Variants in PPP2R3A observed in about 807,000 individuals in gnomAD.
PPP2R3A encodes the protein protein phosphatase 2 regulatory subunit B''alpha, also known as serine/threonine-protein phosphatase 2A regulatory subunit B'' subunit alpha.
In PPP2R3A, 80 loss-of-function variants were observed where a neutral mutation model predicts 106.9. The observed-to-expected ratio is 0.75, with a 90% CI of 0.62 to 0.90. PPP2R3A has a LOEUF of 0.90. PPP2R3A is among the 40% of genes least tolerant of loss of function. The pLI is 0.00. For missense variants in PPP2R3A, 1,386 were observed against 1,350.4 expected (o/e 1.03, Z -0.41); for synonymous variants, 483 against 468.3 (o/e 1.03, Z -0.41).
At chr3:136,082,542 C>A in intron 8 of PPP2R3A, 121 bp downstream of exon 8, 2 of 1,093,236 alleles carry the variant, frequency 1.8e-6, no homozygotes, top group Non-Finnish European at 2.6e-6. Context: ...TCTTTACAGG[C>A]CAATAATTTT....
intron 8 of PPP2R3A, among the ~76,000 whole-genome samples, chr3:136,087,289 C>G (rs1936971762): frequency 6.7e-6 from 1 of 150,040 alleles, no homozygotes; most frequent in Non-Finnish European, 1.5e-5. Flanking sequence ...CTCTCTCTCT[C>G]TCTCTCTCTC....
intron 5 of PPP2R3A, among the ~76,000 whole-genome samples, chr3:136,064,790 C>T (rs1225946917): frequency 6.6e-6 from 1 of 152,026 alleles, no homozygotes; most frequent in African/African-American, 2.4e-5. Flanking sequence ...CATTCCAAGA[C>T]CCTGATGCTG....
rs181970506 is a variant in PPP2R3A at position 135,992,949 on chromosome 3, T to C, written c.-440-8110T>C. Reference sequence around the variant, plus strand: ...GGGCAGGTGGAGAACCAGCCAAATATGTCCCAGGAGTCAAGTGAGGGAAGT... The same window carrying C: ...GGGCAGGTGGAGAACCAGCCAAATACGTCCCAGGAGTCAAGTGAGGGAAGT... On this transcript the variant is annotated intron_variant, in intron 1 of 13. Coordinates refer to ENST00000264977, the MANE Select transcript of PPP2R3A (RefSeq NM_002718.5). Among the ~76,000 whole-genome samples the C allele has an allele frequency of 6.9e-3, 1,047 of 152,236 alleles. 15 individuals are homozygous for C. Among genetic ancestry groups the C allele is most frequent in the African/African-American group, 0.023 (958 of 41,550 alleles).
intron 2 of PPP2R3A, 28 bp from the exon 3 acceptor site, chr3:136,026,804 G>A: frequency 6.4e-7 from 1 of 1,554,470 alleles, no homozygotes; most frequent in South Asian, 1.2e-5. Context: ...TAAATTTTTT[G>A]TGTCTCATAA....
At chr3:136,078,151 G>T (rs1472857416) in intron 6 of PPP2R3A, among the ~76,000 whole-genome samples, 1 of 152,142 alleles carries the variant, frequency 6.6e-6, no homozygotes, top group Non-Finnish European at 1.5e-5. Context: ...TGTGAGCAGA[G>T]AATTTTTTTT....
At chr3:135,996,396 A>T (rs955764565) in intron 1 of PPP2R3A, among the ~76,000 whole-genome samples, 11 of 152,326 alleles carry the variant, frequency 7.2e-5, no homozygotes, top group African/African-American at 2.6e-4. Flanking sequence ...TAGCAGAGGC[A>T]CTTTTATTTC....
Position 136,049,359 on chromosome 3 carries a change from C to G in PPP2R3A, c.2467C>G (p.Gln823Glu). Residue 823 changes from glutamine (Q) to glutamate (E), a missense_variant and splice_region_variant, in exon 5 of 14, where the codon CAG (glutamine) becomes GAG (glutamate). Physicochemically the swap from Gln to Glu is conservative, Grantham distance 29. Transcript: ENST00000264977. ...LEQEDFIPLLQDVVDTHPGLT... is the reference protein window; with the variant it reads ...LEQEDFIPLLEDVVDTHPGLT... Reference sequence around the variant, plus strand: ...ACAGGAGGATTTCATCCCTCTACTTCAGGTAATTTTCATCTCCTTTTGAAA... The same window carrying G: ...ACAGGAGGATTTCATCCCTCTACTTGAGGTAATTTTCATCTCCTTTTGAAA... The G allele has an allele frequency of 6.3e-7, 1 of 1,598,312 alleles. No individual in the cohort carries two copies.
intron 7 of PPP2R3A, chr3:136,079,186 GGA>G: frequency 2.2e-6 from 1 of 454,452 alleles, no homozygotes; most frequent in Non-Finnish European, 4.4e-6. Flanking sequence ...AGTCCATGAT[GGA>G]TATACAAACA....
At chr3:135,981,797 G>A (rs1937542236) in intron 1 of PPP2R3A, among the ~76,000 whole-genome samples, 1 of 151,808 alleles carries the variant, frequency 6.6e-6, no homozygotes, top group Admixed American at 6.5e-5. Context: ...TCGAGGGAGA[G>A]GAAGAGGCCA....
chr3:135,972,266 G>A (rs1937271156), intron 1 of PPP2R3A, among the ~76,000 whole-genome samples: 1 of 152,270 alleles, frequency 6.6e-6, no homozygotes, highest in African/African-American at 2.4e-5. Flanking sequence ...TCAGCACAAT[G>A]TATACGAGGT....
At chr3:136,046,022 A>G (rs1935459998) in intron 4 of PPP2R3A, among the ~76,000 whole-genome samples, 1 of 151,790 alleles carries the variant, frequency 6.6e-6, no homozygotes. Flanking sequence ...TGTCTCTACA[A>G]AAAAATTAGC....
intron 3 of PPP2R3A, among the ~76,000 whole-genome samples, chr3:136,029,741 T>C (rs939558995): frequency 6.6e-6 from 1 of 152,226 alleles, no homozygotes; most frequent in Non-Finnish European, 1.5e-5. Context: ...CAATAGCCAT[T>C]ATACATATAT....
chr3:136,140,075 C>G lies in PPP2R3A; in HGVS notation c.3330-4968C>G, dbSNP rs575897134. 1.0e-3 allele frequency among the ~76,000 whole-genome samples: 158 copies of G among 151,810 alleles called. 1 individual carries two copies. The highest frequency in any genetic ancestry group is 2.9e-3 in the African/African-American group (119 of 41,364). On this transcript the variant is annotated intron_variant, in intron 13 of 13. Transcript: ENST00000264977. ...GATTTCTAGTAAATTGTTTGTGAACCCTGTGAGTTCTGCTTTAATCCTCTG... is the reference window on the plus strand; with the variant it reads ...GATTTCTAGTAAATTGTTTGTGAACGCTGTGAGTTCTGCTTTAATCCTCTG...
chr3:136,068,343 A>G (rs1249070988), intron 5 of PPP2R3A, among the ~76,000 whole-genome samples: 1 of 151,518 alleles, frequency 6.6e-6, no homozygotes, highest in African/African-American at 2.4e-5. Context: ...AATACCCATG[A>G]GTCTGCGCTG....
chr3:136,134,295 C>T (rs957936223), intron 13 of PPP2R3A, among the ~76,000 whole-genome samples: 1 of 152,166 alleles, frequency 6.6e-6, no homozygotes, highest in Non-Finnish European at 1.5e-5. Context: ...AGTAATTTGA[C>T]AATATGTAGC....
At chr3:136,012,398 T>C (rs6809006) in intron 2 of PPP2R3A, among the ~76,000 whole-genome samples, 38,349 of 152,118 alleles carry the variant, frequency 0.25, 5,321 homozygotes, top group Non-Finnish European at 0.32. Context: ...CTTTCTGTTA[T>C]TAGTCATAGA....
intron 1 of PPP2R3A, among the ~76,000 whole-genome samples, chr3:135,994,145 A>G (rs1933288358): frequency 6.6e-6 from 1 of 152,222 alleles, no homozygotes; most frequent in Non-Finnish European, 1.5e-5. Context: ...GTTTGTGGAC[A>G]GCGTTTGTCA....
rs371906011 is a variant in PPP2R3A at position 136,002,329 on chromosome 3, C to T, written c.831C>T (p.Val277=). The part of the protein sequence containing the change: ...GNDTISSSET[V]YMNVMTRLAS... Reference sequence around the variant, plus strand: ...ATACAATTTCTAGCTCTGAAACTGTCTATATGAATGTAATGACCAGGTTAG... The same window carrying T: ...ATACAATTTCTAGCTCTGAAACTGTTTATATGAATGTAATGACCAGGTTAG... The change falls in exon 2 of 14, where the codon GTC becomes GTT. Residue 277 remains valine, a synonymous_variant. Transcript: ENST00000264977. 3.7e-6 allele frequency: 6 copies of T among 1,613,414 alleles called. No individual in the cohort carries two copies. The East Asian group carries it at 1.1e-4, about 30-fold the overall frequency.
chr3:136,029,694 C>T (rs941427605), intron 3 of PPP2R3A, among the ~76,000 whole-genome samples: 8 of 152,132 alleles, frequency 5.3e-5, no homozygotes, highest in Non-Finnish European at 1.0e-4. Context: ...CAGTCATTTA[C>T]GTAACAATTT....
Sources: allele counts gnomAD v4.1 joint callset (sites outside exome capture counted in the v4.1 genomes callset), GRCh38; gene constraint gnomAD v4.1.1; transcripts MANE v1.5; gene names NCBI Gene and HGNC (gene_info 2026-07-23, HGNC 2026-07-21).